Variants in PTPRN2 observed in about 807,000 individuals in gnomAD.
The protein encoded by PTPRN2 is receptor-type tyrosine-protein phosphatase N2.
A neutral mutation model predicts 118.8 loss-of-function variants in PTPRN2; 74 were observed. That is an observed-to-expected ratio of 0.62 (90% CI 0.52 to 0.76). PTPRN2 has a LOEUF of 0.76. Ranked by LOEUF, PTPRN2 falls within the 30% of genes least tolerant of loss-of-function variation. The pLI, the probability that PTPRN2 is intolerant of heterozygous loss-of-function variation, is 0.00. For missense variants in PTPRN2, 1,481 were observed against 1,394.4 expected (o/e 1.06, Z -0.99); for synonymous variants, 641 against 608.0 (o/e 1.05, Z -0.80).
intron 1 of PTPRN2, among the ~76,000 whole-genome samples, chr7:158,545,336 G>A (rs1422206838): frequency 2.6e-5 from 4 of 152,248 alleles, no homozygotes; most frequent in Non-Finnish European, 5.9e-5. Flanking sequence ...GACCAGTCCT[G>A]TGCTGCAGAC....
chr7:158,102,169 A>G (rs961486997), intron 10 of PTPRN2, among the ~76,000 whole-genome samples: 5 of 152,202 alleles, frequency 3.3e-5, no homozygotes, highest in Admixed American at 1.3e-4. Context: ...CATGGCAGCC[A>G]TCAGCAGCAG....
intron 12 of PTPRN2, among the ~76,000 whole-genome samples, chr7:157,880,807 T>C (rs1265001544): frequency 2.0e-5 from 3 of 152,238 alleles, no homozygotes; most frequent in African/African-American, 7.2e-5. Flanking sequence ...ATTGCCTTGG[T>C]AGAATTTTTC....
chr7:158,515,859 G>A (rs997044205), intron 1 of PTPRN2, among the ~76,000 whole-genome samples: 17 of 152,316 alleles, frequency 1.1e-4, no homozygotes, highest in African/African-American at 2.6e-4. Flanking sequence ...AGCCATGGCT[G>A]TAGTCAGGAA....
chr7:158,533,583 AG>A (rs1825410458), intron 1 of PTPRN2, among the ~76,000 whole-genome samples: 1 of 152,182 alleles, frequency 6.6e-6, no homozygotes, highest in African/African-American at 2.4e-5. Flanking sequence ...TCCCTATCCC[AG>A]GGGCCAGAGG....
At chr7:158,342,528 G>A (rs1807100841) in intron 2 of PTPRN2, among the ~76,000 whole-genome samples, 2 of 119,234 alleles carry the variant, frequency 1.7e-5, no homozygotes, top group African/African-American at 6.7e-5. Flanking sequence ...GCTGACACCT[G>A]CAGACGTCAC....
At position 157,716,578 on chromosome 7, in the gene PTPRN2, G is replaced by A. The variant is rs200350037; in HGVS notation, c.1789-33641C>T. On this transcript the variant is annotated intron_variant, in intron 12 of 22. Transcript: ENST00000389418. ...CTCTGCAGGAACACTGCCTGGCCAC[G>A]TAGACTCTGCGGGAACACTGCCTGG... 1.0e-3 allele frequency among the ~76,000 whole-genome samples: 52 copies of A among 50,978 alleles called. 3 individuals carry two copies. The highest frequency in any genetic ancestry group is 6.2e-3 in the African/African-American group (46 of 7,454). 33.4% of individuals were successfully genotyped at this position (50,978 alleles called of 152,430 possible). A position where few individuals can be genotyped will look rare whatever the true frequency, so the allele number is the denominator to read the frequency against.
At chr7:157,579,108 C>T (rs1486890320) in intron 17 of PTPRN2, among the ~76,000 whole-genome samples, 3 of 152,210 alleles carry the variant, frequency 2.0e-5, no homozygotes, top group African/African-American at 7.2e-5. Flanking sequence ...ATGCTGTCAT[C>T]GTAGCGCATG....
At chr7:157,995,175 C>G (rs1290137658) in intron 11 of PTPRN2, among the ~76,000 whole-genome samples, 1 of 151,752 alleles carries the variant, frequency 6.6e-6, no homozygotes, top group South Asian at 2.1e-4. Flanking sequence ...CGCCACGTCC[C>G]CAGCTTACAA....
At chr7:158,497,704 G>T (rs1822056190) in intron 1 of PTPRN2, among the ~76,000 whole-genome samples, 2 of 152,336 alleles carry the variant, frequency 1.3e-5, no homozygotes, top group South Asian at 4.1e-4. Flanking sequence ...CATGTTCTCT[G>T]CGCCGCTGCA....
chr7:158,524,958 T>A (rs1202585420), intron 1 of PTPRN2, among the ~76,000 whole-genome samples: 1 of 152,162 alleles, frequency 6.6e-6, no homozygotes, highest in Non-Finnish European at 1.5e-5. Flanking sequence ...TGGGGGCTCC[T>A]CCAGCACAGC....
At chr7:157,762,226 C>T (rs1802175465) in intron 12 of PTPRN2, among the ~76,000 whole-genome samples, 1 of 152,020 alleles carries the variant, frequency 6.6e-6, no homozygotes, top group Non-Finnish European at 1.5e-5. Context: ...CCATTTGACC[C>T]AGCCATCCCA....
chr7:158,465,028 G>A (rs1819291825), intron 2 of PTPRN2, among the ~76,000 whole-genome samples: 1 of 152,232 alleles, frequency 6.6e-6, no homozygotes, highest in African/African-American at 2.4e-5. Context: ...TAGTTACAGA[G>A]GCTATGGTGT....
intron 2 of PTPRN2, among the ~76,000 whole-genome samples, chr7:158,386,305 C>T (rs1324256285): frequency 2.6e-4 from 33 of 127,292 alleles, no homozygotes; most frequent in South Asian, 5.8e-4. Context: ...TCCCGTGCCC[C>T]GAGTCCCTCC....
intron 11 of PTPRN2, among the ~76,000 whole-genome samples, chr7:157,968,047 G>T (rs553599790): frequency 1.3e-5 from 2 of 152,178 alleles, no homozygotes; most frequent in East Asian, 3.9e-4. Context: ...CTGGGAGCTG[G>T]ATGTTTACCC....
intron 3 of PTPRN2, among the ~76,000 whole-genome samples, chr7:158,276,650 G>A (rs964572848): frequency 6.6e-6 from 1 of 152,206 alleles, no homozygotes; most frequent in African/African-American, 2.4e-5. Flanking sequence ...GCTTCCTGAG[G>A]GATGAAACCA....
At chr7:158,158,503 T>A (rs1822045570) in intron 6 of PTPRN2, among the ~76,000 whole-genome samples, 1 of 151,708 alleles carries the variant, frequency 6.6e-6, no homozygotes, top group African/African-American at 2.4e-5. Context: ...CCCATGTGAT[T>A]GGCCAGGACT....
At chr7:157,895,052 C>CG (rs896834067) in intron 12 of PTPRN2, among the ~76,000 whole-genome samples, 1 of 147,178 alleles carries the variant, frequency 6.8e-6, no homozygotes, top group Non-Finnish European at 1.5e-5. Flanking sequence ...GAGGACCCCT[C>CG]CCCCACAGGA....
At chr7:158,423,661 G>A (rs1404238659) in intron 2 of PTPRN2, among the ~76,000 whole-genome samples, 1 of 152,108 alleles carries the variant, frequency 6.6e-6, no homozygotes, top group Non-Finnish European at 1.5e-5. Context: ...AGCCTCCTGA[G>A]TAGCTGAGAT....
At chr7:157,675,112 G>A (rs569039407) in intron 13 of PTPRN2, among the ~76,000 whole-genome samples, 1 of 152,188 alleles carries the variant, frequency 6.6e-6, no homozygotes, top group Non-Finnish European at 1.5e-5. Flanking sequence ...TGAAATCCCA[G>A]TTTAATCCAC....
Sources: gnomAD v4.1 joint callset for allele counts (sites outside exome capture counted in the v4.1 genomes callset) on GRCh38, gnomAD v4.1.1 for gene constraint, MANE v1.5 for transcripts, NCBI Gene and HGNC (gene_info 2026-07-23, HGNC 2026-07-21) for gene names.